The following MACROD2 variants were observed in gnomAD, a reference collection of about 807,000 sequenced individuals.
MACROD2 encodes ADP-ribose glycohydrolase MACROD2.
Under a neutral mutation model 70.4 loss-of-function variants are expected in MACROD2, and 36 were observed. The observed-to-expected ratio is 0.51, with a 90% CI of 0.39 to 0.68. The LOEUF is 0.68. Ranked by LOEUF, MACROD2 falls within the 30% of genes least tolerant of loss-of-function variation. The probability of loss-of-function intolerance (pLI) is 0.00; values close to 1 mark genes in which losing one functional copy is unlikely to be tolerated. For missense variants in MACROD2, 496 were observed against 538.4 expected (o/e 0.92, Z 0.78); for synonymous variants, 172 against 178.8 (o/e 0.96, Z 0.30).
intron 14 of MACROD2, 25 bp from the exon 15 acceptor site, chr20:15,987,033 ACCCTGAGT>A: frequency 6.5e-7 from 1 of 1,548,574 alleles, no homozygotes; most frequent in South Asian, 1.2e-5. Context: ...AACTAAAACA[ACCCTGAGT>A]GTCCATCTGT....
intron 2 of MACROD2, among the ~76,000 whole-genome samples, chr20:14,049,183 A>AC (rs1555913498): frequency 5.5e-5 from 8 of 146,190 alleles, no homozygotes; most frequent in East Asian, 2.0e-4. Context: ...ATAAAAAAAA[A>AC]AAAAAACAAA....
chr20:14,949,225 G>A (rs555813373), intron 5 of MACROD2, among the ~76,000 whole-genome samples: 1 of 152,136 alleles, frequency 6.6e-6, no homozygotes, highest in African/African-American at 2.4e-5. Context: ...AAATGCAAGT[G>A]ACCTAAAAAG....
chr20:15,672,844 C>A (rs553480324), intron 8 of MACROD2, among the ~76,000 whole-genome samples: 6 of 152,224 alleles, frequency 3.9e-5, no homozygotes, highest in African/African-American at 1.4e-4. Context: ...TCTCACATGT[C>A]GTGGGAGGGG....
At chr20:15,313,506 CA>C (rs11314563) in intron 6 of MACROD2, among the ~76,000 whole-genome samples, 34,946 of 86,256 alleles carry the variant, frequency 0.41, 3,600 homozygotes, top group East Asian at 0.53. Context: ...GACTCCGTCT[CA>C]AAAAAAAAAA....
chr20:14,290,760 C>T (rs1055979666), intron 3 of MACROD2, among the ~76,000 whole-genome samples: 3 of 152,352 alleles, frequency 2.0e-5, no homozygotes, highest in East Asian at 1.9e-4. Context: ...CCACCCGCCT[C>T]AGCCTCCCAG....
chr20:15,797,244 G>C (rs1464719196), intron 8 of MACROD2, among the ~76,000 whole-genome samples: 2 of 152,126 alleles, frequency 1.3e-5, no homozygotes, highest in African/African-American at 4.8e-5. Flanking sequence ...CTCCCTAGTA[G>C]CTGGGACTAC....
rs183028841 is a variant in MACROD2, at chr20:15,151,040, G to A, written c.419-78900G>A. Among the ~76,000 whole-genome samples the A allele has an allele frequency of 7.6e-4, 115 of 152,066 alleles. 1 individual carries two copies. Among genetic ancestry groups the A allele is most frequent in the Admixed American group, 2.1e-3 (32 of 15,272 alleles). The stretch of plus-strand genomic sequence containing the variant: ...CCACTGTGAGAGTTACCTAAAGCTC[G>A]GCGTCCACGATGGTCTACAGGGCTT... On this transcript the variant is annotated intron_variant, in intron 5 of 17. Transcript: ENST00000684519.
At position 14,464,297 on chromosome 20, in the gene MACROD2, T is replaced by C. The variant is rs569545734; in HGVS notation, c.272-29182T>C. Reference sequence around the variant, plus strand: ...TGTGTCGAGGAATTTATCCATTTCTTCTAGATTTTCTAGTTTATTTGCGTA... The same window carrying C: ...TGTGTCGAGGAATTTATCCATTTCTCCTAGATTTTCTAGTTTATTTGCGTA... On this transcript the variant is annotated intron_variant, in intron 3 of 17. Transcript: ENST00000684519. Among the ~76,000 whole-genome samples, 16 of 152,270 alleles carry C rather than the reference T, an allele frequency of 1.1e-4. No individual in the cohort carries two copies. In the East Asian group the frequency reaches 3.1e-3, roughly 29 times the overall value.
At chr20:15,503,062 A>G (rs2047383814) in intron 8 of MACROD2, among the ~76,000 whole-genome samples, 1 of 152,342 alleles carries the variant, frequency 6.6e-6, no homozygotes, top group African/African-American at 2.4e-5. Flanking sequence ...GCCTTTTTGT[A>G]TGTTCAGAAT....
chr20:15,342,244 C>T (rs754450347), intron 6 of MACROD2, among the ~76,000 whole-genome samples: 7 of 152,142 alleles, frequency 4.6e-5, no homozygotes, highest in African/African-American at 1.4e-4. Context: ...TGCAGATCAA[C>T]GCAAGTTGCA....
intron 5 of MACROD2, among the ~76,000 whole-genome samples, chr20:15,072,857 C>T (rs772582517): frequency 2.0e-5 from 3 of 152,098 alleles, no homozygotes; most frequent in Admixed American, 2.0e-4. Flanking sequence ...GTGTTGAAAA[C>T]TTGATCCCCA....
intron 3 of MACROD2, among the ~76,000 whole-genome samples, chr20:14,424,369 A>C (rs1433377046): frequency 1.3e-5 from 2 of 152,316 alleles, no homozygotes; most frequent in African/African-American, 4.8e-5. Context: ...CATTTCCAAA[A>C]GTTTCAGCAC....
chr20:14,883,550 G>T (rs2073635294), intron 5 of MACROD2, among the ~76,000 whole-genome samples: 1 of 151,344 alleles, frequency 6.6e-6, no homozygotes, highest in Non-Finnish European at 1.5e-5. Context: ...TCACATTCCA[G>T]TTCTGAATAC....
At chr20:14,396,782 G>A (rs74367189) in intron 3 of MACROD2, among the ~76,000 whole-genome samples, 4 of 151,414 alleles carry the variant, frequency 2.6e-5, no homozygotes, top group African/African-American at 9.7e-5. Context: ...AAAATTAGCT[G>A]GGCATGGTGG....
chr20:13,996,018 C>T (rs879560749), intron 1 of MACROD2, among the ~76,000 whole-genome samples: 135 of 152,280 alleles, frequency 8.9e-4, no homozygotes, highest in Admixed American at 2.4e-3. Flanking sequence ...ACCTGCAGCT[C>T]GCGCACGTGT....
intron 4 of MACROD2, among the ~76,000 whole-genome samples, chr20:14,613,128 G>A (rs1427838841): frequency 6.6e-6 from 1 of 152,136 alleles, no homozygotes; most frequent in East Asian, 1.9e-4. Context: ...TTAAAAACAG[G>A]GGTATAGTGG....
At chr20:15,516,609 T>A (rs532944355) in intron 8 of MACROD2, among the ~76,000 whole-genome samples, 18 of 152,188 alleles carry the variant, frequency 1.2e-4, no homozygotes, top group African/African-American at 4.3e-4. Context: ...GAACAGAAGG[T>A]AGAGGGCAGC....
At chr20:14,673,497 A>G (rs1243755171) in intron 4 of MACROD2, among the ~76,000 whole-genome samples, 2 of 152,164 alleles carry the variant, frequency 1.3e-5, no homozygotes, top group African/African-American at 4.8e-5. Context: ...CTGCATTTTT[A>G]CTAGGCTCGC....
intron 5 of MACROD2, among the ~76,000 whole-genome samples, chr20:14,963,079 A>T (rs1462410518): frequency 3.3e-5 from 5 of 152,186 alleles, no homozygotes; most frequent in African/African-American, 7.2e-5. Context: ...GAAATAAAAT[A>T]AAAAAACTGT....
Sources: gnomAD v4.1 joint callset for allele counts (sites outside exome capture counted in the v4.1 genomes callset) on GRCh38, gnomAD v4.1.1 for gene constraint, MANE v1.5 for transcripts, NCBI Gene and HGNC (gene_info 2026-07-23, HGNC 2026-07-21) for gene names.